Variants in SPAG6 observed in about 807,000 individuals in gnomAD.
SPAG6 encodes sperm-associated antigen 6.
SPAG6 carries 49 observed loss-of-function variants against 58.5 expected under a neutral mutation model. The observed-to-expected ratio is 0.84, with a 90% CI of 0.67 to 1.06. The LOEUF (loss-of-function observed/expected upper bound fraction) is 1.06. SPAG6 is among the 50% of genes least tolerant of loss of function. The pLI, the probability that SPAG6 is intolerant of heterozygous loss-of-function variation, is 0.00. For missense variants in SPAG6, 560 were observed against 611.3 expected, an observed-to-expected ratio of 0.92 and a Z score of 0.89; for synonymous variants, 233 against 225.6, an observed-to-expected ratio of 1.03 and a Z score of -0.29.
intron 2 of SPAG6, among the ~76,000 whole-genome samples, chr10:22,356,638 A>G (rs1001443649): frequency 6.6e-6 from 1 of 152,236 alleles, no homozygotes; most frequent in African/African-American, 2.4e-5. Flanking sequence ...CAACAACTAT[A>G]CATCCTTTGA....
chr10:22,371,374 T>C (rs1833688037), intron 4 of SPAG6, among the ~76,000 whole-genome samples: 1 of 152,058 alleles, frequency 6.6e-6, no homozygotes, highest in African/African-American at 2.4e-5. Flanking sequence ...CTGCTTCAGC[T>C]TCCTAAATAG....
At chr10:22,391,131 A>C (rs1834174397) in intron 7 of SPAG6, among the ~76,000 whole-genome samples, 1 of 152,218 alleles carries the variant, frequency 6.6e-6, no homozygotes, top group Admixed American at 6.5e-5. Context: ...TGTGTAACAA[A>C]AGTAGTCGTT....
At chr10:22,366,066 A>C (rs1837190948) in intron 3 of SPAG6, among the ~76,000 whole-genome samples, 1 of 152,196 alleles carries the variant, frequency 6.6e-6, no homozygotes, top group Non-Finnish European at 1.5e-5. Flanking sequence ...ATTCCTAGCT[A>C]TATATCCAAA....
intron 4 of SPAG6, among the ~76,000 whole-genome samples, chr10:22,375,088 G>A (rs1269450645): frequency 6.6e-6 from 1 of 152,226 alleles, no homozygotes; most frequent in African/African-American, 2.4e-5. Flanking sequence ...GATATTTTGT[G>A]TACTGGTGGT....
chr10:22,367,284 C>T (rs746267589), intron 3 of SPAG6, among the ~76,000 whole-genome samples: 1 of 152,072 alleles, frequency 6.6e-6, no homozygotes, highest in Non-Finnish European at 1.5e-5. Context: ...TACTTCAAAA[C>T]TCTATTCTAA....
intron 8 of SPAG6, among the ~76,000 whole-genome samples, chr10:22,399,992 G>A (rs1469046707): frequency 1.3e-5 from 2 of 152,120 alleles, no homozygotes; most frequent in Non-Finnish European, 2.9e-5. Context: ...GAGGATAAAT[G>A]TGTCAAGCAA....
At chr10:22,353,781 C>G (rs1346695251) in intron 2 of SPAG6, among the ~76,000 whole-genome samples, 1 of 152,140 alleles carries the variant, frequency 6.6e-6, no homozygotes, top group African/African-American at 2.4e-5. Flanking sequence ...GGGCACCTTA[C>G]TCAAGATTTG....
intron 2 of SPAG6, among the ~76,000 whole-genome samples, chr10:22,359,882 G>A (rs370579190): frequency 6.6e-6 from 1 of 152,034 alleles, no homozygotes; most frequent in East Asian, 1.9e-4. Flanking sequence ...AACGTTGTTG[G>A]GGGGGATACT....
intron 2 of SPAG6, among the ~76,000 whole-genome samples, chr10:22,353,171 T>C (rs967514077): frequency 6.6e-6 from 1 of 152,266 alleles, no homozygotes; most frequent in South Asian, 2.1e-4. Flanking sequence ...TTGCTTTCCA[T>C]ACATTTTCTC....
At chr10:22,382,583 C>A (rs1208640186) in intron 4 of SPAG6, among the ~76,000 whole-genome samples, 1 of 152,048 alleles carries the variant, frequency 6.6e-6, no homozygotes, top group Non-Finnish European at 1.5e-5. Flanking sequence ...ACACTCCTTT[C>A]ATATAATTTA....
Position 22,364,702 on chromosome 10 carries a change from G to A in SPAG6, c.122-151G>A, listed in dbSNP as rs1837143267. 8.9e-6 allele frequency: 5 copies of A among 560,242 alleles called. No individual in the cohort carries two copies. The South Asian group carries it at 1.1e-4, about 12-fold the overall frequency. The allele number at this position is 560,242 out of a possible 1,614,324, so 34.7% of individuals were successfully genotyped here. On this transcript the variant is annotated intron_variant, in intron 2 of 10. Transcript: ENST00000376624. The stretch of plus-strand genomic sequence containing the variant: ...TATTATTCTGTGTCTTGGCCAGTTA[G>A]GTACTTCTAAATTTCCATTAGTTTA...
At chr10:22,364,644 A>G (rs962638888) in intron 2 of SPAG6, among the ~76,000 whole-genome samples, 2 of 152,210 alleles carry the variant, frequency 1.3e-5, no homozygotes, top group African/African-American at 4.8e-5. Context: ...TCTTATTTCC[A>G]TGCTCTACTG....
intron 6 of SPAG6, among the ~76,000 whole-genome samples, chr10:22,388,254 G>A (rs1427265980): frequency 1.3e-5 from 2 of 151,838 alleles, no homozygotes; most frequent in East Asian, 3.9e-4. Context: ...CGCAAGTGGT[G>A]ACAATCAAAA....
In SPAG6 at chr10:22,345,898, G is replaced by C. The variant is rs756162272; in HGVS notation, c.121+80G>C. 3.1e-5 allele frequency: 49 copies of C among 1,578,342 alleles called. No homozygotes were observed. The South Asian group carries it at 3.5e-4, about 11-fold the overall frequency. On this transcript the variant is annotated intron_variant, in intron 2 of 10. Transcript: ENST00000376624. This position sits in a 1 kb window ranked among gnomAD's most constrained non-coding sequence, Gnocchi z 6.3. Reference sequence around the variant, plus strand: ...TCCGCCCCGCTGCCCTGCCCGTGGAGCTCTTGGGGAGCCGCAGTGTGGGGA... The same window carrying C: ...TCCGCCCCGCTGCCCTGCCCGTGGACCTCTTGGGGAGCCGCAGTGTGGGGA...
chr10:22,381,023 G>A (rs889669810), intron 4 of SPAG6, among the ~76,000 whole-genome samples: 10 of 151,892 alleles, frequency 6.6e-5, no homozygotes, highest in African/African-American at 1.9e-4. Context: ...AAGATTATTC[G>A]AGTATCATAT....
chr10:22,388,890 G>A (rs569925380), intron 6 of SPAG6, among the ~76,000 whole-genome samples: 1 of 152,196 alleles, frequency 6.6e-6, no homozygotes, highest in Non-Finnish European at 1.5e-5. Context: ...TCTACATGAG[G>A]AATTTTGACA....
chr10:22,352,139 C>T (rs1564359675), intron 2 of SPAG6, among the ~76,000 whole-genome samples: 1 of 150,802 alleles, frequency 6.6e-6, no homozygotes, highest in East Asian at 1.9e-4. Context: ...CCAGCCTGGG[C>T]GACAGAGCGA....
intron 2 of SPAG6, among the ~76,000 whole-genome samples, chr10:22,347,201 C>G (rs1443899747): frequency 6.6e-6 from 1 of 152,152 alleles, no homozygotes; most frequent in Non-Finnish European, 1.5e-5. Flanking sequence ...AACCACTAAT[C>G]TCTTCTCCAT....
chr10:22,359,541 G>T (rs1836972496), intron 2 of SPAG6: 2 of 152,230 alleles, frequency 1.3e-5, no homozygotes, highest in Non-Finnish European at 2.9e-5. Flanking sequence ...TTAAAGGTAT[G>T]AGTCACAGCA....
Sources: allele counts gnomAD v4.1 joint callset (sites outside exome capture counted in the v4.1 genomes callset), GRCh38; gene constraint gnomAD v4.1.1; non-coding constraint Gnocchi (gnomAD v3.1); transcripts MANE v1.5; gene names NCBI Gene and HGNC (gene_info 2026-07-23, HGNC 2026-07-21).